MAGI2: variants seen among roughly 807,000 people sequenced by gnomAD.
MAGI2 encodes membrane associated guanylate kinase, WW and PDZ domain containing 2.
Under a neutral mutation model 133.3 loss-of-function variants are expected in MAGI2, and 35 were observed. The observed-to-expected ratio is 0.26, with a 90% confidence interval of 0.20 to 0.35. The LOEUF (loss-of-function observed/expected upper bound fraction) is 0.35. Among genes scored for constraint, MAGI2 ranks in the 10% least tolerant of loss-of-function variants. The pLI is 1.00. For synonymous variants in MAGI2, 729 were observed against 710.6 expected (o/e 1.03, Z -0.41); for missense variants, 1,636 against 1,863.4 (o/e 0.88, Z 2.25).
intron 1 of MAGI2, among the ~76,000 whole-genome samples, chr7:79,374,899 A>G (rs536567589): frequency 5.3e-5 from 8 of 151,944 alleles, no homozygotes; most frequent in Admixed American, 2.6e-4. Flanking sequence ...CATGGGCATC[A>G]CTACTGACTT....
chr7:78,573,263 A>G (rs74219156), intron 3 of MAGI2, among the ~76,000 whole-genome samples: 3 of 15,680 alleles, frequency 1.9e-4, no homozygotes, highest in African/African-American at 7.0e-4. Flanking sequence ...TATAAATATA[A>G]ATATATATAA....
intron 2 of MAGI2, among the ~76,000 whole-genome samples, chr7:78,649,237 A>AAAAAAAAAAAAAAAAAAAAAAAAAAG (rs1563294737): frequency 1.1e-4 from 7 of 65,482 alleles, no homozygotes; most frequent in East Asian, 6.3e-4. Flanking sequence ...AAAAAAAAAG[A>AAAAAAAAAAAAAAAAAAAAAAAAAAG]AAAAAAAAGA....
chr7:79,119,256 T>C (rs2129544489), intron 1 of MAGI2, among the ~76,000 whole-genome samples: 1 of 152,258 alleles, frequency 6.6e-6, no homozygotes, highest in East Asian at 1.9e-4. Flanking sequence ...TTATTATTTG[T>C]AGGGAATGTG....
chr7:78,423,734 T>G (rs1417447226), intron 6 of MAGI2, among the ~76,000 whole-genome samples: 1 of 152,190 alleles, frequency 6.6e-6, no homozygotes, highest in African/African-American at 2.4e-5. Context: ...TGACTCTTGT[T>G]ATGTTTTACC....
At chr7:79,114,874 A>G (rs1305725143) in intron 1 of MAGI2, among the ~76,000 whole-genome samples, 1 of 152,142 alleles carries the variant, frequency 6.6e-6, no homozygotes, top group Non-Finnish European at 1.5e-5. Flanking sequence ...ATTCTAAATA[A>G]TGCTTTCAGG....
At chr7:78,052,260 C>T (rs1031321387) in intron 21 of MAGI2, among the ~76,000 whole-genome samples, 8 of 152,078 alleles carry the variant, frequency 5.3e-5, no homozygotes, top group South Asian at 2.1e-4. Context: ...TGGTGTGGCT[C>T]GCTCTGAATG....
intron 9 of MAGI2, among the ~76,000 whole-genome samples, chr7:78,260,098 A>G (rs1793373692): frequency 6.6e-6 from 1 of 152,156 alleles, no homozygotes; most frequent in South Asian, 2.1e-4. Context: ...CTATATAACA[A>G]CTTGATGGTA....
intron 3 of MAGI2, among the ~76,000 whole-genome samples, chr7:78,594,440 A>G (rs1212557914): frequency 1.3e-5 from 2 of 152,156 alleles, no homozygotes; most frequent in East Asian, 3.9e-4. Context: ...GCATGACAAG[A>G]TAACAAAGGA....
At chr7:78,351,668 T>C (rs1292506526) in intron 7 of MAGI2, 1 of 152,130 alleles carries the variant, frequency 6.6e-6, no homozygotes, top group Non-Finnish European at 1.5e-5. Context: ...CCAACTCCCA[T>C]CTGAACCCCT....
chr7:79,364,905 A>G (rs1393141539), intron 1 of MAGI2, among the ~76,000 whole-genome samples: 1 of 129,094 alleles, frequency 7.7e-6, no homozygotes, highest in Non-Finnish European at 1.6e-5. Flanking sequence ...ACCTCATCAA[A>G]ATTAAAAAAA....
chr7:78,981,172 T>C (rs1252863182), intron 2 of MAGI2, among the ~76,000 whole-genome samples: 1 of 151,436 alleles, frequency 6.6e-6, no homozygotes, highest in East Asian at 1.9e-4. Flanking sequence ...ATAAGAATTA[T>C]ATTTATTATT....
intron 2 of MAGI2, among the ~76,000 whole-genome samples, chr7:78,952,699 T>G (rs1170318251): frequency 6.6e-6 from 1 of 152,216 alleles, no homozygotes; most frequent in East Asian, 1.9e-4. Context: ...TTCAGCTACC[T>G]AGAAAATTCA....
At chr7:78,033,063 A>C (rs1243744713) in intron 21 of MAGI2, among the ~76,000 whole-genome samples, 1 of 152,214 alleles carries the variant, frequency 6.6e-6, no homozygotes, top group African/African-American at 2.4e-5. Context: ...GGTGGAATCA[A>C]GAACAGCAGT....
At chr7:78,405,841 A>C (rs1453269372) in intron 6 of MAGI2, among the ~76,000 whole-genome samples, 1 of 152,060 alleles carries the variant, frequency 6.6e-6, no homozygotes, top group South Asian at 2.1e-4. Flanking sequence ...CACAATAAAT[A>C]GACAATTGTC....
intron 2 of MAGI2, among the ~76,000 whole-genome samples, chr7:78,992,338 C>T (rs1258407429): frequency 5.9e-5 from 9 of 151,934 alleles, no homozygotes; most frequent in Admixed American, 5.9e-4. Context: ...ATTTCCAGCA[C>T]CCAGCCACTC....
At chr7:79,299,714 T>TCCA (rs1837243204) in intron 1 of MAGI2, among the ~76,000 whole-genome samples, 1 of 152,072 alleles carries the variant, frequency 6.6e-6, no homozygotes, top group Non-Finnish European at 1.5e-5. Context: ...ATCATTTGGA[T>TCCA]ATTTGTTCCC....
intron 4 of MAGI2, among the ~76,000 whole-genome samples, chr7:78,503,582 C>T (rs1250366535): frequency 1.8e-5 from 1 of 54,272 alleles, no homozygotes; most frequent in Non-Finnish European, 4.1e-5. Context: ...TCCTCCCCCT[C>T]CTCCTCCTCC....
chr7:78,978,909 C>A (rs548905240), intron 2 of MAGI2, among the ~76,000 whole-genome samples: 43 of 151,850 alleles, frequency 2.8e-4, no homozygotes, highest in Non-Finnish European at 5.3e-4. Context: ...TACACATATA[C>A]AGGAACCGAA....
intron 14 of MAGI2, chr7:78,170,204 A>G (rs1015325204): frequency 6.6e-6 from 1 of 152,220 alleles, no homozygotes; most frequent in Non-Finnish European, 1.5e-5. Flanking sequence ...AGTAAAACAC[A>G]AAATAGTGGT....
Sources: allele counts gnomAD v4.1 joint callset (sites outside exome capture counted in the v4.1 genomes callset), GRCh38; gene constraint gnomAD v4.1.1; transcripts MANE v1.5; gene names NCBI Gene and HGNC (gene_info 2026-07-23, HGNC 2026-07-21).